Variants in ZNF578 observed in about 807,000 individuals in gnomAD.
ZNF578 encodes zinc finger protein 578.
ZNF578 carries 8 observed loss-of-function variants against 8.3 expected under a neutral mutation model. That is an observed-to-expected ratio of 0.96 (90% CI 0.56 to 1.74). ZNF578 has a LOEUF of 1.74. ZNF578 is among the 40% of genes most tolerant of loss of function. The pLI, the probability that ZNF578 is intolerant of heterozygous loss-of-function variation, is 0.00. For synonymous variants in ZNF578, 206 were observed against 232.2 expected (o/e 0.89, Z 1.03); for missense variants, 726 against 707.5 (o/e 1.03, Z -0.30).
intron 2 of ZNF578, among the ~76,000 whole-genome samples, chr19:52,488,371 A>G (rs1263370152): frequency 5.9e-5 from 9 of 151,940 alleles, no homozygotes; most frequent in Admixed American, 4.6e-4. Flanking sequence ...TGGCCAACAC[A>G]GTGAAACTCA....
chr19:52,456,301 C>G (rs2059239528), intron 1 of ZNF578: 1 of 152,182 alleles, frequency 6.6e-6, no homozygotes, highest in African/African-American at 2.4e-5. Context: ...TTGTTCTGGG[C>G]TTGCTCCCTC....
At chr19:52,471,020 G>C (rs923713151) in intron 2 of ZNF578, among the ~76,000 whole-genome samples, 15 of 152,044 alleles carry the variant, frequency 9.9e-5, no homozygotes, top group Non-Finnish European at 4.4e-5. Flanking sequence ...AACATGTGTG[G>C]CACCTACCCC....
chr19:52,474,345 T>C (rs775655385), intron 2 of ZNF578: 16 of 292,710 alleles, frequency 5.5e-5, no homozygotes, highest in Non-Finnish European at 1.1e-4. Flanking sequence ...GTATGAATTA[T>C]CCAATGTTCT....
chr19:52,491,507 C>A lies in ZNF578; in HGVS notation c.-20+82C>A, dbSNP rs184080108. On this transcript the variant is annotated intron_variant, in intron 3 of 5. Coordinates refer to ENST00000421239, the MANE Select transcript of ZNF578 (RefSeq NM_001099694.2). ...CTTTGAAAATAAAGAAAGAGATTTT[C>A]TTTCCTTTCATCCCTTTTCTTAGGA... The A allele has an allele frequency of 1.9e-3, 291 of 152,384 alleles. 4 individuals are homozygous for A. The highest frequency in any genetic ancestry group is 3.5e-4 in the Non-Finnish European group (24 of 68,098). The allele number at this position is 152,384 out of a possible 1,614,324, so 9.4% of individuals were successfully genotyped here.
intron 2 of ZNF578, among the ~76,000 whole-genome samples, chr19:52,487,589 T>C (rs1407882388): frequency 2.0e-5 from 3 of 152,126 alleles, no homozygotes; most frequent in Non-Finnish European, 4.4e-5. Context: ...CAAGGGGTAG[T>C]GAAGTGGGAA....
In ZNF578 at chr19:52,514,068, C is replaced by T. The variant is rs1599923240; in HGVS notation, c.*1914C>T. On this transcript the variant is annotated 3_prime_UTR_variant, in exon 6 of 6. Coordinates refer to ENST00000421239, the MANE Select transcript of ZNF578 (RefSeq NM_001099694.2). The stretch of plus-strand genomic sequence containing the variant: ...AACAGACATCAAAAATGCTTTTGTT[C>T]TCGTTGTGTCATAGACTTCCCTTTT... 6.6e-6 allele frequency among the ~76,000 whole-genome samples: 1 copy of T among 152,084 alleles called. No homozygotes were observed. Among genetic ancestry groups the T allele is most frequent in the Admixed American group, 6.6e-5 (1 of 15,262 alleles).
intron 4 of ZNF578, among the ~76,000 whole-genome samples, chr19:52,503,658 T>C (rs1046964300): frequency 6.6e-6 from 1 of 152,184 alleles, no homozygotes; most frequent in African/African-American, 2.4e-5. Flanking sequence ...TGATAGTTTT[T>C]AGATTCGGAC....
chr19:52,462,012 G>A (rs1442999187), intron 2 of ZNF578, among the ~76,000 whole-genome samples: 1 of 152,100 alleles, frequency 6.6e-6, no homozygotes, highest in Non-Finnish European at 1.5e-5. Flanking sequence ...CATTCTGATT[G>A]GTACAATTAA....
intron 3 of ZNF578, among the ~76,000 whole-genome samples, chr19:52,492,222 A>G (rs1190529709): frequency 5.6e-5 from 8 of 141,836 alleles, no homozygotes; most frequent in East Asian, 2.2e-4. Context: ...GAGCCCTGTG[A>G]GAGGGGGTGT....
intron 2 of ZNF578, among the ~76,000 whole-genome samples, chr19:52,485,301 C>G (rs148424701): frequency 0.044 from 6,758 of 152,266 alleles, 497 homozygotes; most frequent in African/African-American, 0.15. Context: ...GGCTCGCCCC[C>G]TCTGAGTGGA....
At chr19:52,506,460 T>TC (rs1324931903) in intron 5 of ZNF578, among the ~76,000 whole-genome samples, 5 of 113,100 alleles carry the variant, frequency 4.4e-5, no homozygotes, top group Non-Finnish European at 6.8e-5. Flanking sequence ...AAAGTACAGT[T>TC]TCTTTTTTTT....
At chr19:52,461,440 C>T (rs1394549929) in intron 2 of ZNF578, among the ~76,000 whole-genome samples, 1 of 152,120 alleles carries the variant, frequency 6.6e-6, no homozygotes, top group Non-Finnish European at 1.5e-5. Flanking sequence ...TTTACATATT[C>T]TGCAGTTTGA....
chr19:52,486,010 G>A lies in ZNF578; in HGVS notation c.-121-5314G>A, dbSNP rs12463029. 8.0e-3 allele frequency among the ~76,000 whole-genome samples: 1,221 copies of A among 152,268 alleles called. 16 individuals carry two copies. The highest frequency in any genetic ancestry group is 0.028 in the African/African-American group (1,162 of 41,550). On this transcript the variant is annotated intron_variant, in intron 2 of 5. Transcript: ENST00000421239. ...AAGAGGAAGGCCTCTTTGCAGTTGAGATAAGAGGAAGGCATCTGTCTCCTG... is the reference window on the plus strand; with the variant it reads ...AAGAGGAAGGCCTCTTTGCAGTTGAAATAAGAGGAAGGCATCTGTCTCCTG...
chr19:52,477,772 T>C (rs2615582), intron 2 of ZNF578, among the ~76,000 whole-genome samples: 98,850 of 152,042 alleles, frequency 0.65, 33,614 homozygotes, highest in African/African-American at 0.86. Context: ...TGCCAGTGCA[T>C]GTTTACAATC....
intron 3 of ZNF578, among the ~76,000 whole-genome samples, chr19:52,493,999 A>AG (rs2059376724): frequency 6.6e-6 from 1 of 151,794 alleles, no homozygotes; most frequent in Non-Finnish European, 1.5e-5. Flanking sequence ...CAAAAAAAAA[A>AG]AGTGGTTAAA....
chr19:52,501,829 T>C lies in ZNF578; in HGVS notation c.-17T>C. 6.2e-7 allele frequency: 1 copy of C among 1,612,474 alleles called. No individual in the cohort carries two copies. The highest frequency in any genetic ancestry group is 8.5e-7 in the Non-Finnish European group (1 of 1,179,360). ...TCTTATTTTTCTTCCACATACAGGA[T>C]TGATTTCTAAAGACTCATGTTACAT... is the stretch of plus-strand genomic sequence containing the variant. On this transcript the variant is annotated splice_region_variant and 5_prime_UTR_variant, in exon 4 of 6. Transcript: ENST00000421239.
At chr19:52,498,146 C>T (rs1488918070) in intron 3 of ZNF578, among the ~76,000 whole-genome samples, 1 of 151,992 alleles carries the variant, frequency 6.6e-6, no homozygotes, top group Admixed American at 6.6e-5. Context: ...TAAGATGGTC[C>T]TGGAATTTTT....
intron 5 of ZNF578, among the ~76,000 whole-genome samples, chr19:52,506,606 C>T (rs1441428526): frequency 2.0e-5 from 3 of 151,764 alleles, no homozygotes; most frequent in African/African-American, 7.3e-5. Flanking sequence ...GCTGAAATTA[C>T]AGATGTTCAC....
At chr19:52,457,638 T>G (rs1212644001) in intron 2 of ZNF578, 1 of 152,018 alleles carries the variant, frequency 6.6e-6, no homozygotes. Flanking sequence ...ACACAGTAGA[T>G]AGTGTTGGAA....
Sources: gnomAD v4.1 joint callset for allele counts (sites outside exome capture counted in the v4.1 genomes callset) on GRCh38, gnomAD v4.1.1 for gene constraint, MANE v1.5 for transcripts, NCBI Gene and HGNC (gene_info 2026-07-23, HGNC 2026-07-21) for gene names.